CNNM2: variants seen among roughly 807,000 people sequenced by gnomAD.
CNNM2 encodes the protein metal transporter CNNM2.
A neutral mutation model predicts 66.9 loss-of-function variants in CNNM2; 12 were observed. The ratio of observed to expected loss-of-function variants is 0.18; its 90% CI spans 0.11 to 0.29. The LOEUF is 0.29. Ranked by LOEUF, CNNM2 falls within the 10% of genes least tolerant of loss-of-function variation. CNNM2 has a pLI of 1.00. For missense variants in CNNM2, 705 were observed against 1,167.7 expected (o/e 0.60, Z 5.77); for synonymous variants, 557 against 501.8 (o/e 1.11, Z -1.47).
chr10:103,088,907 T>C lies in CNNM2; in HGVS notation c.*11727T>C. The C allele has an allele frequency of 4.7e-6, 1 of 212,372 alleles. No homozygotes were observed. The highest frequency in any genetic ancestry group is 2.3e-5 in the African/African-American group (1 of 44,274). 13.2% of individuals were successfully genotyped at this position (212,372 alleles called of 1,614,324 possible). A position where few individuals can be genotyped will look rare whatever the true frequency, so the allele number is the denominator to read the frequency against. ...GTAGTATAAGAAGGCAGTTCTTCCC[T>C]TTCTTTTCTGGGGGCTTGTTCCTTT... On this transcript the variant is annotated 3_prime_UTR_variant, in exon 8 of 8. Coordinates refer to ENST00000369878, the MANE Select transcript of CNNM2 (RefSeq NM_017649.5).
intron 1 of CNNM2, among the ~76,000 whole-genome samples, chr10:103,017,324 C>T (rs143009815): frequency 7.8e-4 from 118 of 152,248 alleles, no homozygotes; most frequent in African/African-American, 2.6e-3. Context: ...TGGCAGACAG[C>T]GTTCTAGGCA....
Position 103,001,521 on chromosome 10 carries a change from A to C in CNNM2, c.1622-48186A>C, listed in dbSNP as rs141637321. ...CCCATCCCAGCCCCACAAGGATGCCAGATGAGTCAATGGAGGAAAGAAAAG... is the reference window on the plus strand; with the variant it reads ...CCCATCCCAGCCCCACAAGGATGCCCGATGAGTCAATGGAGGAAAGAAAAG... On this transcript the variant is annotated intron_variant, in intron 1 of 7. Transcript: ENST00000369878. 4.6e-3 allele frequency among the ~76,000 whole-genome samples: 698 copies of C among 152,308 alleles called. 4 individuals are homozygous for C. Among genetic ancestry groups the C allele is most frequent in the African/African-American group, 0.016 (651 of 41,566 alleles).
At chr10:103,050,984 G>T (rs2065204008) in intron 2 of CNNM2, among the ~76,000 whole-genome samples, 1 of 152,106 alleles carries the variant, frequency 6.6e-6, no homozygotes. Flanking sequence ...GATGTTTGGG[G>T]GTCCCAGGGG....
chr10:102,951,600 G>A (rs958933740), intron 1 of CNNM2, among the ~76,000 whole-genome samples: 1 of 143,526 alleles, frequency 7.0e-6, no homozygotes, highest in African/African-American at 2.6e-5. Context: ...TTTGCTGTGT[G>A]TTTTATGGTT....
intron 4 of CNNM2, among the ~76,000 whole-genome samples, chr10:103,062,273 T>C (rs1157133883): frequency 6.6e-6 from 1 of 152,148 alleles, no homozygotes; most frequent in Non-Finnish European, 1.5e-5. Context: ...TTGTGGAGTA[T>C]GGCAGGTGGC....
rs66498944 is a variant in CNNM2 at position 102,976,611 on chromosome 10, A to ATTTTTTTTTTTTTTTT, written c.1621+56523_1621+56538dup. Among the ~76,000 whole-genome samples, 106 of 59,430 alleles carry ATTTTTTTTTTTTTTTT rather than the reference A, an allele frequency of 1.8e-3. 6 individuals carry two copies. Among genetic ancestry groups the ATTTTTTTTTTTTTTTT allele is most frequent in the Non-Finnish European group, 2.1e-3 (70 of 32,934 alleles). 39.0% of individuals were successfully genotyped at this position (59,430 alleles called of 152,430 possible). A position where few individuals can be genotyped will look rare whatever the true frequency, so the allele number is the denominator to read the frequency against. ...CAGGTGTGCGCCACACGCCCAGGTA[A>ATTTTTTTTTTTTTTTT]TTTTTTTTTTTTTTTTTTTTTTTTT... On this transcript the variant is annotated intron_variant, in intron 1 of 7. Transcript: ENST00000369878.
Position 103,021,134 on chromosome 10 carries a change from C to T in CNNM2, c.1622-28573C>T, listed in dbSNP as rs76147378. Reference sequence around the variant, plus strand: ...TTTAGACACTAGACAACAGGCAAGGCGGGAGAGAAGGCAGTGCTTGGGAGA... The same window carrying T: ...TTTAGACACTAGACAACAGGCAAGGTGGGAGAGAAGGCAGTGCTTGGGAGA... On this transcript the variant is annotated intron_variant, in intron 1 of 7. Coordinates refer to ENST00000369878, the MANE Select transcript of CNNM2 (RefSeq NM_017649.5). 6.4e-3 allele frequency among the ~76,000 whole-genome samples: 968 copies of T among 152,098 alleles called. 3 individuals are homozygous for T. The highest frequency in any genetic ancestry group is 0.02 in the African/African-American group (832 of 41,484).
chr10:102,996,576 A>C (rs1372936848), intron 1 of CNNM2, among the ~76,000 whole-genome samples: 2 of 152,214 alleles, frequency 1.3e-5, no homozygotes, highest in Non-Finnish European at 2.9e-5. Context: ...ATGGTGGCGC[A>C]TGCCTGTAGT....
chr10:103,049,863 G>A lies in CNNM2; in HGVS notation c.1765+13G>A, dbSNP rs1269534325. 2 of 1,609,346 alleles carry A rather than the reference G, an allele frequency of 1.2e-6. No individual in the cohort carries two copies. The highest frequency in any genetic ancestry group is 2.2e-5 in the South Asian group (2 of 90,544). On this transcript the variant is annotated intron_variant, in intron 2 of 7. Transcript: ENST00000369878. ...ACAGATTTATACAGTAAGTAGCATTGTCTGAGTGTATTTCCCGAAACCTTT... is the reference window on the plus strand; with the variant it reads ...ACAGATTTATACAGTAAGTAGCATTATCTGAGTGTATTTCCCGAAACCTTT...
chr10:102,922,017 C>T (rs551431696), intron 1 of CNNM2, among the ~76,000 whole-genome samples: 9 of 152,224 alleles, frequency 5.9e-5, no homozygotes, highest in African/African-American at 2.2e-4. Context: ...GCTGTTTTTC[C>T]TTCAGAATTA....
chr10:102,978,184 C>T (rs1407823128), intron 1 of CNNM2, among the ~76,000 whole-genome samples: 1 of 151,520 alleles, frequency 6.6e-6, no homozygotes, highest in African/African-American at 2.4e-5. Flanking sequence ...GCTGGGATGA[C>T]GGACGTAAGC....
At chr10:103,055,042 T>C (rs1289150974) in intron 3 of CNNM2, among the ~76,000 whole-genome samples, 1 of 152,208 alleles carries the variant, frequency 6.6e-6, no homozygotes, top group Admixed American at 6.5e-5. Flanking sequence ...CCTCCTCAGA[T>C]CAGATTAACT....
intron 1 of CNNM2, among the ~76,000 whole-genome samples, chr10:102,997,415 C>G (rs998869413): frequency 1.3e-5 from 2 of 152,096 alleles, no homozygotes; most frequent in African/African-American, 4.8e-5. Context: ...ATGTTCTTTC[C>G]AAATATTATT....
intron 1 of CNNM2, among the ~76,000 whole-genome samples, chr10:102,951,191 T>G (rs1250421978): frequency 1.3e-5 from 2 of 151,882 alleles, no homozygotes; most frequent in African/African-American, 4.8e-5. Context: ...AGTTTTACTA[T>G]ATTGGCCAGG....
chr10:102,947,847 C>T (rs1382440267), intron 1 of CNNM2, among the ~76,000 whole-genome samples: 2 of 151,918 alleles, frequency 1.3e-5, no homozygotes, highest in South Asian at 2.1e-4. Flanking sequence ...GTCAGGAGAT[C>T]GAGACCATCT....
At chr10:103,072,509 C>T (rs2065605641) in intron 6 of CNNM2, among the ~76,000 whole-genome samples, 1 of 152,022 alleles carries the variant, frequency 6.6e-6, no homozygotes, top group African/African-American at 2.4e-5. Flanking sequence ...GACCCCGCTT[C>T]TCCCCGCCAC....
intron 2 of CNNM2, 87 bp downstream of exon 2, chr10:103,049,937 C>A: frequency 7.5e-7 from 1 of 1,334,528 alleles, no homozygotes; most frequent in Non-Finnish European, 1.0e-6. Flanking sequence ...TCTCCAGTTG[C>A]TGCCTCTGTT....
intron 1 of CNNM2, among the ~76,000 whole-genome samples, chr10:103,008,867 C>G (rs1038312595): frequency 2.7e-5 from 4 of 148,542 alleles, no homozygotes; most frequent in African/African-American, 9.9e-5. Flanking sequence ...ATTTGTAAAA[C>G]AAGATTTTTC....
At chr10:103,069,907 A>C (rs527274730) in intron 5 of CNNM2, among the ~76,000 whole-genome samples, 1 of 152,260 alleles carries the variant, frequency 6.6e-6, no homozygotes, top group Admixed American at 6.5e-5. Context: ...CCAGGCTTCC[A>C]AGGGGAGGAG....
Sources: allele counts gnomAD v4.1 joint callset (sites outside exome capture counted in the v4.1 genomes callset), GRCh38; gene constraint gnomAD v4.1.1; transcripts MANE v1.5; gene names NCBI Gene and HGNC (gene_info 2026-07-23, HGNC 2026-07-21).